NDUFAF2: variants seen among roughly 807,000 people sequenced by gnomAD.
NDUFAF2 encodes the protein NADH dehydrogenase [ubiquinone] 1 alpha subcomplex assembly factor 2.
A neutral mutation model predicts 22.8 loss-of-function variants in NDUFAF2; 13 were observed. That is an observed-to-expected ratio of 0.57 (90% CI 0.37 to 0.91). NDUFAF2 has a LOEUF of 0.91. NDUFAF2 is among the 40% of genes least tolerant of loss of function. The pLI is 0.01. For synonymous variants in NDUFAF2, 53 were observed against 64.2 expected (o/e 0.83, Z 0.84); for missense variants, 162 against 195.2 (o/e 0.83, Z 1.01).
chr5:61,073,195 T>A lies in NDUFAF2; in HGVS notation c.198T>A (p.Asp66Glu), dbSNP rs1267434222. 11 of 1,612,264 alleles carry A rather than the reference T, an allele frequency of 6.8e-6. No individual in the cohort carries two copies. Among genetic ancestry groups the A allele is most frequent in the Non-Finnish European group, 5.9e-6 (7 of 1,178,578 alleles). Residue 66 changes from aspartate to glutamate, a missense_variant, in exon 2 of 4, where the codon GAT becomes GAA. Asp to Glu is a conservative substitution (Grantham distance 45, BLOSUM62 2). Coordinates refer to ENST00000296597, the MANE Select transcript of NDUFAF2 (RefSeq NM_174889.5). Reference protein sequence around the residue: ...NKKEVDYEAGDIPTEWEAWIR... With the variant: ...NKKEVDYEAGEIPTEWEAWIR... ...AAGAAGTAGACTATGAAGCAGGGGA[T>A]ATTCCAACAGAATGGGAAGGTAAGT...
chr5:61,010,081 G>T (rs541357595), intron 1 of NDUFAF2, among the ~76,000 whole-genome samples: 2 of 152,056 alleles, frequency 1.3e-5, no homozygotes, highest in East Asian at 3.9e-4. Flanking sequence ...TCTATCCTCA[G>T]TACCTCTACC....
At chr5:61,039,143 CAAAAAA>C (rs36065069) in intron 1 of NDUFAF2, among the ~76,000 whole-genome samples, 3 of 82,528 alleles carry the variant, frequency 3.6e-5, no homozygotes, top group Non-Finnish European at 7.2e-5. Flanking sequence ...GCTGACAGGC[CAAAAAA>C]AAAAAAAAAA....
At chr5:61,021,379 C>G (rs1751582079) in intron 1 of NDUFAF2, among the ~76,000 whole-genome samples, 1 of 152,070 alleles carries the variant, frequency 6.6e-6, no homozygotes, top group Admixed American at 6.6e-5. Context: ...GACCTCTGCT[C>G]TTCCCTCACA....
intron 1 of NDUFAF2, among the ~76,000 whole-genome samples, chr5:61,064,928 A>G (rs563551266): frequency 2.6e-5 from 4 of 152,174 alleles, no homozygotes; most frequent in African/African-American, 9.6e-5. Flanking sequence ...AGTCAATAAA[A>G]CAAAGAGTTG....
In NDUFAF2 at chr5:61,085,601, C is replaced by T. The variant is rs12656243; in HGVS notation, c.217+12387C>T. ...ATGAATACAGATAAGAAACAGATGA[C>T]ATGATTACATGTAGACAGTCTACAA... is the stretch of plus-strand genomic sequence containing the variant. On this transcript the variant is annotated intron_variant, in intron 2 of 3. Coordinates refer to ENST00000296597, the MANE Select transcript of NDUFAF2 (RefSeq NM_174889.5). Among the ~76,000 whole-genome samples the T allele has an allele frequency of 2.7e-3, 416 of 152,176 alleles. 12 individuals carry two copies. The East Asian group carries it at 0.072, about 26-fold the overall frequency.
chr5:61,148,570 T>C (rs1482265681), intron 3 of NDUFAF2, among the ~76,000 whole-genome samples: 2 of 152,220 alleles, frequency 1.3e-5, no homozygotes, highest in African/African-American at 2.4e-5. Context: ...TCCCAACCTT[T>C]ACAACAGCCC....
intron 1 of NDUFAF2, among the ~76,000 whole-genome samples, chr5:60,947,882 T>C (rs1391570750): frequency 2.0e-5 from 3 of 152,270 alleles, no homozygotes; most frequent in East Asian, 3.9e-4. Context: ...TTAACAGTCA[T>C]GTCTATTCTA....
At chr5:61,077,821 G>T (rs1752388017) in intron 2 of NDUFAF2, among the ~76,000 whole-genome samples, 1 of 152,170 alleles carries the variant, frequency 6.6e-6, no homozygotes, top group Non-Finnish European at 1.5e-5. Context: ...ATATATGCAG[G>T]TAGATGGGTA....
intron 1 of NDUFAF2, among the ~76,000 whole-genome samples, chr5:60,965,131 T>C (rs1361313735): frequency 6.6e-6 from 1 of 152,114 alleles, no homozygotes; most frequent in African/African-American, 2.4e-5. Flanking sequence ...TAGGAACCAC[T>C]AACATGACAG....
At chr5:61,133,433 TCTTA>T (rs1180868090) in intron 3 of NDUFAF2, among the ~76,000 whole-genome samples, 3 of 152,212 alleles carry the variant, frequency 2.0e-5, no homozygotes, top group East Asian at 1.9e-4. Context: ...AAATATTTTT[TCTTA>T]CTTAATTTTC....
chr5:61,087,315 G>A (rs1752516082), intron 2 of NDUFAF2, among the ~76,000 whole-genome samples: 3 of 152,152 alleles, frequency 2.0e-5, no homozygotes, highest in Non-Finnish European at 4.4e-5. Flanking sequence ...CTCCAGAACT[G>A]TGAGAAAATA....
chr5:61,040,286 A>ACACACACACACACACGCGCGCGCGCG (rs1491193758), intron 1 of NDUFAF2, among the ~76,000 whole-genome samples: 3 of 93,074 alleles, frequency 3.2e-5, no homozygotes, highest in African/African-American at 1.3e-4. Flanking sequence ...ACACACACAC[A>ACACACACACACACACGCGCGCGCGCG]CGCGCGCGCG....
At chr5:61,091,773 T>C (rs1443330269) in intron 2 of NDUFAF2, among the ~76,000 whole-genome samples, 1 of 152,204 alleles carries the variant, frequency 6.6e-6, no homozygotes, top group Non-Finnish European at 1.5e-5. Context: ...TTTTTGCCCA[T>C]TTCTATATGC....
At chr5:61,129,192 G>T (rs927413762) in intron 3 of NDUFAF2, among the ~76,000 whole-genome samples, 1 of 152,192 alleles carries the variant, frequency 6.6e-6, no homozygotes, top group Non-Finnish European at 1.5e-5. Context: ...TACACTGTTG[G>T]TGGGACTGTA....
intron 2 of NDUFAF2, among the ~76,000 whole-genome samples, chr5:61,083,820 G>T (rs867513980): frequency 6.6e-6 from 1 of 151,592 alleles, no homozygotes; most frequent in Non-Finnish European, 1.5e-5. Context: ...AATTGATTTT[G>T]TATATCAACT....
At chr5:61,147,805 A>G (rs1450588726) in intron 3 of NDUFAF2, among the ~76,000 whole-genome samples, 1 of 152,142 alleles carries the variant, frequency 6.6e-6, no homozygotes, top group Non-Finnish European at 1.5e-5. Context: ...TAGGTCTCCA[A>G]TAAGCTGTAC....
Position 61,093,648 on chromosome 5 carries a change from T to G in NDUFAF2, c.218-5344T>G, listed in dbSNP as rs528825923. 7.9e-4 allele frequency among the ~76,000 whole-genome samples: 120 copies of G among 152,302 alleles called. 1 individual carries two copies. The highest frequency in any genetic ancestry group is 2.8e-3 in the African/African-American group (117 of 41,578). On this transcript the variant is annotated intron_variant, in intron 2 of 3. Transcript: ENST00000296597. ...GGATAAGCTTTTTGATGTGCTACTG[T>G]ATTCAGGTTGCTAGTACTTTGTTGA...
intron 1 of NDUFAF2, among the ~76,000 whole-genome samples, chr5:61,009,862 C>A (rs574785512): frequency 7.9e-5 from 12 of 152,114 alleles, no homozygotes; most frequent in Admixed American, 5.9e-4. Context: ...CTAATTATTC[C>A]CTTCCTCTAA....
At chr5:60,992,706 A>C (rs942028225) in intron 1 of NDUFAF2, among the ~76,000 whole-genome samples, 2 of 151,948 alleles carry the variant, frequency 1.3e-5, no homozygotes, top group Non-Finnish European at 2.9e-5. Flanking sequence ...TCTTGTAGGA[A>C]GCTCTGGTAT....
Sources: gnomAD v4.1 joint callset for allele counts (sites outside exome capture counted in the v4.1 genomes callset) on GRCh38, gnomAD v4.1.1 for gene constraint, MANE v1.5 for transcripts, NCBI Gene and HGNC (gene_info 2026-07-23, HGNC 2026-07-21) for gene names.